The following TAFA2 variants were observed in gnomAD, a reference collection of about 807,000 sequenced individuals.
TAFA2 encodes the protein chemokine-like protein TAFA-2.
TAFA2 carries 7 observed loss-of-function variants against 18.8 expected under a neutral mutation model. The observed-to-expected ratio is 0.37, with a 90% confidence interval of 0.21 to 0.70. The LOEUF (loss-of-function observed/expected upper bound fraction) is 0.70. TAFA2 is among the 30% of genes least tolerant of loss of function. The pLI is 0.53. For synonymous variants in TAFA2, 60 were observed against 54.2 expected (o/e 1.11, Z -0.47); for missense variants, 122 against 158.1 (o/e 0.77, Z 1.23).
intron 1 of TAFA2, among the ~76,000 whole-genome samples, chr12:62,170,294 T>C (rs765539505): frequency 1.2e-4 from 19 of 152,248 alleles, no homozygotes; most frequent in Admixed American, 3.3e-4. Flanking sequence ...GTGAACCTGA[T>C]GTTAAGTCAT....
intron 1 of TAFA2, among the ~76,000 whole-genome samples, chr12:62,249,886 G>C (rs549492337): frequency 2.0e-5 from 3 of 152,178 alleles, no homozygotes; most frequent in Non-Finnish European, 2.9e-5. Context: ...GCCTCACAGC[G>C]GGTTTGGATT....
intron 1 of TAFA2, among the ~76,000 whole-genome samples, chr12:61,983,137 C>A (rs1879695925): frequency 6.6e-6 from 1 of 152,230 alleles, no homozygotes; most frequent in East Asian, 1.9e-4. Context: ...AGCTAAAAAG[C>A]TATACAGTGC....
At chr12:61,996,671 C>T (rs1880199668) in intron 1 of TAFA2, among the ~76,000 whole-genome samples, 1 of 152,152 alleles carries the variant, frequency 6.6e-6, no homozygotes, top group Admixed American at 6.5e-5. Context: ...CTCAAATAGG[C>T]TTTCACTCTT....
chr12:62,060,583 T>C (rs1882320152), intron 1 of TAFA2, among the ~76,000 whole-genome samples: 1 of 152,218 alleles, frequency 6.6e-6, no homozygotes, highest in Admixed American at 6.5e-5. Flanking sequence ...GTACTCCTTC[T>C]GCTTAAAAAA....
intron 1 of TAFA2, among the ~76,000 whole-genome samples, chr12:61,922,235 T>C (rs186367170): frequency 2.1e-4 from 32 of 152,146 alleles, no homozygotes; most frequent in African/African-American, 7.7e-4. Context: ...AGTAAATAAC[T>C]GAAGATGAAA....
chr12:62,187,057 C>T (rs58927555), intron 1 of TAFA2, among the ~76,000 whole-genome samples: 8,226 of 152,058 alleles, frequency 0.054, 271 homozygotes, highest in African/African-American at 0.084. Context: ...CCATTTTAAA[C>T]GAGAATAGTA....
At chr12:61,997,252 G>A (rs921986963) in intron 1 of TAFA2, among the ~76,000 whole-genome samples, 4 of 150,932 alleles carry the variant, frequency 2.7e-5, no homozygotes, top group Admixed American at 1.3e-4. Flanking sequence ...GTAAAATAAT[G>A]AGTGATGGCA....
chr12:61,931,171 C>A (rs374679451), intron 1 of TAFA2, among the ~76,000 whole-genome samples: 1 of 152,082 alleles, frequency 6.6e-6, no homozygotes, highest in Non-Finnish European at 1.5e-5. Flanking sequence ...AAGTGTATTA[C>A]CTGCTTTTTT....
At chr12:62,112,020 T>C (rs1428148012) in intron 1 of TAFA2, among the ~76,000 whole-genome samples, 1 of 152,198 alleles carries the variant, frequency 6.6e-6, no homozygotes, top group African/African-American at 2.4e-5. Flanking sequence ...GTGAATTTGA[T>C]CCTGTCATTA....
chr12:62,234,833 A>T, intron 1 of TAFA2: 1 of 1,027,448 alleles, frequency 9.7e-7, no homozygotes, highest in Non-Finnish European at 1.5e-6. Flanking sequence ...GACTTACGAG[A>T]GTCCTGAGAT....
At chr12:62,143,882 A>G (rs2062258272) in intron 1 of TAFA2, among the ~76,000 whole-genome samples, 2 of 151,430 alleles carry the variant, frequency 1.3e-5, no homozygotes, top group Admixed American at 1.3e-4. Flanking sequence ...CTCTCTACAA[A>G]AAATACAAAA....
chr12:61,810,483 CTT>C (rs1213056014), intron 2 of TAFA2, among the ~76,000 whole-genome samples: 7 of 151,458 alleles, frequency 4.6e-5, no homozygotes, highest in African/African-American at 1.7e-4. Context: ...GCAGATCAGA[CTT>C]ATTGTTTTAC....
intron 2 of TAFA2, among the ~76,000 whole-genome samples, chr12:61,824,044 T>C (rs1367421118): frequency 6.6e-6 from 1 of 152,130 alleles, no homozygotes; most frequent in Non-Finnish European, 1.5e-5. Context: ...CTATGTTATA[T>C]AATACTGTCT....
chr12:62,059,689 CATG>C (rs1342649351), intron 1 of TAFA2, among the ~76,000 whole-genome samples: 2 of 152,158 alleles, frequency 1.3e-5, no homozygotes, highest in Non-Finnish European at 2.9e-5. Flanking sequence ...CAGCAGGAGT[CATG>C]ATAAGTTTAT....
At chr12:62,082,221 T>A (rs1476915322) in intron 1 of TAFA2, among the ~76,000 whole-genome samples, 1 of 152,212 alleles carries the variant, frequency 6.6e-6, no homozygotes, top group Non-Finnish European at 1.5e-5. Context: ...TGATTCTATG[T>A]CTTTGCTATT....
chr12:61,967,054 T>G (rs1182377447), intron 1 of TAFA2, among the ~76,000 whole-genome samples: 1 of 151,856 alleles, frequency 6.6e-6, no homozygotes, highest in Non-Finnish European at 1.5e-5. Context: ...AATTTTTAAT[T>G]GCTCTAAATT....
At position 61,927,855 on chromosome 12, in the gene TAFA2, C is replaced by T. The variant is rs573534395; in HGVS notation, c.-1-60429G>A. ...AGAACAGAGGCCTCAGAAATAACAC[C>T]ACACATCTACAACCATCTGACCTTT... is the stretch of plus-strand genomic sequence containing the variant. On this transcript the variant is annotated intron_variant, in intron 1 of 4. Transcript: ENST00000416284. Among the ~76,000 whole-genome samples the T allele has an allele frequency of 6.6e-5, 10 of 152,214 alleles. No individual in the cohort carries two copies. The South Asian group carries it at 2.1e-3, about 32-fold the overall frequency.
chr12:61,753,540 C>T, intron 4 of TAFA2, 82 bp downstream of exon 4: 4 of 1,263,512 alleles, frequency 3.2e-6, no homozygotes, highest in Non-Finnish European at 4.4e-6. Flanking sequence ...TCCACAATTG[C>T]CACTTAAATT....
intron 1 of TAFA2, among the ~76,000 whole-genome samples, chr12:62,114,073 C>G (rs1359094089): frequency 1.7e-4 from 26 of 152,180 alleles, no homozygotes; most frequent in Admixed American, 1.7e-3. Flanking sequence ...CGGTGTCTGC[C>G]CAAACAGCCA....
Sources: allele counts gnomAD v4.1 joint callset (sites outside exome capture counted in the v4.1 genomes callset), GRCh38; gene constraint gnomAD v4.1.1; transcripts MANE v1.5; gene names NCBI Gene and HGNC (gene_info 2026-07-23, HGNC 2026-07-21).